ABCA9: variants seen among roughly 807,000 people sequenced by gnomAD.
The protein encoded by ABCA9 is ATP binding cassette subfamily A member 9.
A neutral mutation model predicts 205.3 loss-of-function variants in ABCA9; 183 were observed. The ratio of observed to expected loss-of-function variants is 0.89; its 90% confidence interval spans 0.79 to 1.01. The LOEUF (loss-of-function observed/expected upper bound fraction) is 1.01, where lower values mean the gene tolerates loss of function less well. Ranked by LOEUF, ABCA9 falls within the 50% of genes least tolerant of loss-of-function variation. The pLI, the probability that ABCA9 is intolerant of heterozygous loss-of-function variation, is 0.00. For missense variants in ABCA9, 1,805 were observed against 1,912.4 expected (o/e 0.94, Z 1.05); for synonymous variants, 651 against 683.3 (o/e 0.95, Z 0.74).
intron 11 of ABCA9, among the ~76,000 whole-genome samples, 192 bp from the exon 12 acceptor site, chr17:69,028,837 G>T (rs2071075606): frequency 6.6e-6 from 1 of 152,128 alleles, no homozygotes; most frequent in Admixed American, 6.6e-5. Flanking sequence ...ATGTTATTAT[G>T]CAATTAATTT....
At chr17:69,052,819 C>T (rs2071950404) in intron 1 of ABCA9, among the ~76,000 whole-genome samples, 1 of 152,184 alleles carries the variant, frequency 6.6e-6, no homozygotes, top group Admixed American at 6.5e-5. Context: ...GACTGACTGG[C>T]TATATATTAG....
chr17:69,021,783 A>G lies in ABCA9; in HGVS notation c.2360T>C (p.Val787Ala). 6.3e-7 allele frequency: 1 copy of G among 1,594,292 alleles called. No homozygotes were observed. The highest frequency in any genetic ancestry group is 1.1e-5 in the South Asian group (1 of 88,120). The change falls in exon 18 of 39, where the codon GTG becomes GCG. Residue 787 changes from valine (V) to alanine (A), a missense_variant. Physicochemically the swap from Val to Ala is moderately conservative, Grantham distance 64. Coordinates refer to ENST00000340001, the MANE Select transcript of ABCA9 (RefSeq NM_080283.4). ...YGVSITTLNE[V>A]FLKLEGKSTI... ...TGATTTTCCTTCTAATTTCAGAAAC[A>G]CCTCATTCAAAGTTGTTATGGAAAC... is the stretch of plus-strand genomic sequence containing the variant.
rs921774783 is a variant in ABCA9 at position 69,023,964 on chromosome 17, A to G, written c.2281+250T>C. Among the ~76,000 whole-genome samples, 2 of 151,816 alleles carry G rather than the reference A, an allele frequency of 1.3e-5. No individual in the cohort carries two copies. Among genetic ancestry groups the G allele is most frequent in the Non-Finnish European group, 2.9e-5 (2 of 68,000 alleles). On this transcript the variant is annotated intron_variant, in intron 17 of 38. Coordinates refer to ENST00000340001, the MANE Select transcript of ABCA9 (RefSeq NM_080283.4). The surrounding 1 kb of genome is among the most constrained non-coding windows in gnomAD (Gnocchi z 4.2). ...TCTTATTTTATCTTGCTGCTAGCCTACGCCTCTTAATTGCACTTAATTGAC... is the reference window on the plus strand; with the variant it reads ...TCTTATTTTATCTTGCTGCTAGCCTGCGCCTCTTAATTGCACTTAATTGAC...
chr17:68,976,846 T>A (rs1459870239), intron 37 of ABCA9, among the ~76,000 whole-genome samples: 2 of 152,218 alleles, frequency 1.3e-5, no homozygotes, highest in African/African-American at 4.8e-5. Flanking sequence ...ATTTTGAGTT[T>A]ACCATCTGAT....
intron 18 of ABCA9, among the ~76,000 whole-genome samples, chr17:69,021,308 AAG>A (rs1426810268): frequency 1.3e-5 from 2 of 152,128 alleles, no homozygotes; most frequent in African/African-American, 4.8e-5. Flanking sequence ...TAGCAGCAAT[AAG>A]AGAGAAAAGA....
At chr17:69,011,845 A>G (rs2070386831) in intron 23 of ABCA9, 131 bp downstream of exon 23, 1 of 503,722 alleles carries the variant, frequency 2.0e-6, no homozygotes, top group African/African-American at 2.0e-5. Context: ...AATTATTATT[A>G]AAGTGCTTGA....
intron 34 of ABCA9, 45 bp from the exon 35 acceptor site, chr17:68,984,220 AG>A: frequency 6.3e-7 from 1 of 1,594,086 alleles, no homozygotes; most frequent in Non-Finnish European, 8.5e-7. Flanking sequence ...GGAATGCTCA[AG>A]GTATTTGGAA....
At chr17:68,996,824 C>T (rs150336578) in intron 25 of ABCA9, among the ~76,000 whole-genome samples, 13 of 152,260 alleles carry the variant, frequency 8.5e-5, no homozygotes, top group African/African-American at 3.1e-4. Context: ...TTTTAAGGAA[C>T]TATATGGTCT....
rs769535715 is a variant in ABCA9 at position 69,012,048 on chromosome 17, G to T, written c.3075C>A (p.Asn1025Lys). 1.2e-6 allele frequency: 2 copies of T among 1,613,172 alleles called. No individual in the cohort carries two copies. The highest frequency in any genetic ancestry group is 1.7e-6 in the Non-Finnish European group (2 of 1,179,500). ...CTGCCATCGGTATCCAGAAGAAGGT[G>T]TTACTTCGGTACCCATACTCATAAT... ...HMDYEYGYRS[N>K]TFFWIPMAAS... The change falls in exon 23 of 39, where the codon AAC becomes AAA. Residue 1025 changes from asparagine to lysine, a missense_variant. By Grantham distance (94) the Asn-to-Lys change is moderately conservative. Coordinates refer to ENST00000340001, the MANE Select transcript of ABCA9 (RefSeq NM_080283.4).
chr17:69,000,154 G>C (rs376998516), intron 25 of ABCA9, among the ~76,000 whole-genome samples: 1 of 151,654 alleles, frequency 6.6e-6, no homozygotes, highest in Admixed American at 6.6e-5. Flanking sequence ...GTCAATTTTG[G>C]CTTTGGTTGC....
chr17:69,063,421 G>T (rs117519040), upstream of ABCA9, among the ~76,000 whole-genome samples: 3,049 of 152,266 alleles, frequency 0.02, 48 homozygotes, highest in East Asian at 0.067. Flanking sequence ...AGAAAAACCT[G>T]ATCTGTAAAG....
rs369616854 is a variant in ABCA9 at position 69,008,066 on chromosome 17, A to G, written c.3317T>C (p.Ile1106Thr). 2 of 1,603,224 alleles carry G rather than the reference A, an allele frequency of 1.2e-6. No homozygotes were observed. The highest frequency in any genetic ancestry group is 2.7e-5 in the African/African-American group (2 of 74,400). ...EIIFIIQNLL[I>T]QILCSIGYVS... ...TTCAAAATTGCTGCCACTTACTTGA[A>G]TTAACAGGTTTTGAATTATAAATAT... Residue 1106 changes from isoleucine (I) to threonine (T), a missense_variant, in exon 24 of 39, where the codon ATT (isoleucine) becomes ACT (threonine). Physicochemically the swap from Ile to Thr is moderately conservative, Grantham distance 89. Coordinates refer to ENST00000340001, the MANE Select transcript of ABCA9 (RefSeq NM_080283.4).
At chr17:69,009,778 T>A (rs1296769598) in intron 23 of ABCA9, among the ~76,000 whole-genome samples, 2 of 152,086 alleles carry the variant, frequency 1.3e-5, no homozygotes, top group African/African-American at 4.8e-5. Context: ...CTAGAAAGAT[T>A]CCATAAATAT....
Position 69,033,753 on chromosome 17 carries a change from T to C in ABCA9, c.1249A>G (p.Thr417Ala), listed in dbSNP as rs2071239634. ...VFDTLLYLVLTLYFDKILPAE... is the reference protein window; with the variant it reads ...VFDTLLYLVLALYFDKILPAE... ...GGCAAAATTTTGTCAAAATATAATG[T>C]CAATACCAAATACAGAAGGGTGTCA... The change falls in exon 9 of 39, where the codon ACA becomes GCA. Residue 417 changes from threonine to alanine, a missense_variant. Thr to Ala is a moderately conservative substitution (Grantham distance 58). Coordinates refer to ENST00000340001, the MANE Select transcript of ABCA9 (RefSeq NM_080283.4). 1.2e-6 allele frequency: 2 copies of C among 1,610,810 alleles called. No individual in the cohort carries two copies. The highest frequency in any genetic ancestry group is 1.3e-5 in the African/African-American group (1 of 74,828).
At chr17:69,025,787 A>C (rs565234245) in intron 16 of ABCA9, among the ~76,000 whole-genome samples, 7 of 152,334 alleles carry the variant, frequency 4.6e-5, no homozygotes, top group African/African-American at 1.4e-4. Context: ...AGATTGGCAG[A>C]TTGTTAAAAC....
chr17:68,992,541 C>A, intron 27 of ABCA9: 2 of 243,304 alleles, frequency 8.2e-6, no homozygotes, highest in Admixed American at 5.2e-5. Flanking sequence ...GGGCCAGGAG[C>A]GTTGGCTCAC....
chr17:69,020,800 T>G (rs2070784067), intron 18 of ABCA9: 1 of 493,644 alleles, frequency 2.0e-6, no homozygotes, highest in South Asian at 3.0e-5. Flanking sequence ...TGTTTTCTGA[T>G]TTTAAACGTC....
chr17:69,035,750 T>C lies in ABCA9; in HGVS notation c.852A>G (p.Leu284=), dbSNP rs778431511. The change falls in exon 7 of 39, where the codon TTA becomes TTG. Residue 284 remains leucine, a synonymous_variant. Transcript: ENST00000340001. ...YAGFILIMAT[L]MALIVKSAQI... ...GTGCAGATTTTACAATAAGAGCCATTAAAGTGGCCATGATAAGGATGAAGC... is the reference window on the plus strand; with the variant it reads ...GTGCAGATTTTACAATAAGAGCCATCAAAGTGGCCATGATAAGGATGAAGC... The C allele has an allele frequency of 1.5e-5, 25 of 1,613,442 alleles. No individual in the cohort carries two copies. Among genetic ancestry groups the C allele is most frequent in the Non-Finnish European group, 2.5e-6 (3 of 1,179,776 alleles).
intron 37 of ABCA9, among the ~76,000 whole-genome samples, chr17:68,977,072 C>T (rs1398054844): frequency 6.6e-6 from 1 of 152,140 alleles, no homozygotes; most frequent in East Asian, 1.9e-4. Flanking sequence ...GACTTCCCTG[C>T]ACTTGTAGAG....
Sources: allele counts gnomAD v4.1 joint callset (sites outside exome capture counted in the v4.1 genomes callset), GRCh38; gene constraint gnomAD v4.1.1; non-coding constraint Gnocchi (gnomAD v3.1); transcripts MANE v1.5; gene names NCBI Gene and HGNC (gene_info 2026-07-23, HGNC 2026-07-21).